RBFOX1: variants seen among roughly 807,000 people sequenced by gnomAD.
The protein encoded by RBFOX1 is RNA binding fox-1 homolog 1, also known as RNA binding protein fox-1 homolog 1.
Under a neutral mutation model 57.7 loss-of-function variants are expected in RBFOX1, and 8 were observed. The ratio of observed to expected loss-of-function variants is 0.14; its 90% CI spans 0.08 to 0.25. The LOEUF is 0.25. RBFOX1 is among the 10% of genes least tolerant of loss of function. The pLI, the probability that RBFOX1 is intolerant of heterozygous loss-of-function variation, is 1.00. For missense variants in RBFOX1, 611 were observed against 548.5 expected, an observed-to-expected ratio of 1.11 and a Z score of -1.14; for synonymous variants, 326 against 222.4, an observed-to-expected ratio of 1.47 and a Z score of -4.15.
chr16:7,581,354 A>C (rs2093746352), intron 6 of RBFOX1, among the ~76,000 whole-genome samples: 1 of 152,196 alleles, frequency 6.6e-6, no homozygotes, highest in South Asian at 2.1e-4. Flanking sequence ...TGTGTGAGGC[A>C]GTAAGACCAG....
chr16:7,410,326 G>A (rs755990585), intron 4 of RBFOX1, among the ~76,000 whole-genome samples: 2 of 152,212 alleles, frequency 1.3e-5, no homozygotes, highest in Admixed American at 1.3e-4. Flanking sequence ...ATGCTGAGCT[G>A]TGGGAATAAT....
At chr16:7,416,928 C>A (rs1408586908) in intron 4 of RBFOX1, among the ~76,000 whole-genome samples, 1 of 152,140 alleles carries the variant, frequency 6.6e-6, no homozygotes, top group Admixed American at 6.5e-5. Flanking sequence ...TAGCAGAAAA[C>A]TGGGGCTTAG....
chr16:6,591,612 G>C (rs2097712446), intron 2 of RBFOX1, among the ~76,000 whole-genome samples: 1 of 152,180 alleles, frequency 6.6e-6, no homozygotes, highest in African/African-American at 2.4e-5. Flanking sequence ...TCAGATGATA[G>C]AAACTGCTTT....
At chr16:5,851,482 T>C (rs1299604875) in intron 3 of RBFOX1, among the ~76,000 whole-genome samples, 2 of 152,196 alleles carry the variant, frequency 1.3e-5, no homozygotes, top group Admixed American at 6.5e-5. Context: ...GCCTAAGATT[T>C]ACCAGCCCTG....
At chr16:5,967,004 G>GT (rs2059859084) in intron 4 of RBFOX1, among the ~76,000 whole-genome samples, 2 of 106,524 alleles carry the variant, frequency 1.9e-5, no homozygotes, top group Non-Finnish European at 3.9e-5. Context: ...GGGGGGGGGG[G>GT]TCAATAAATG....
intron 1 of RBFOX1, among the ~76,000 whole-genome samples, chr16:5,421,550 G>A (rs1167036234): frequency 6.6e-6 from 1 of 152,152 alleles, no homozygotes; most frequent in African/African-American, 2.4e-5. Context: ...GGTAAGGGAA[G>A]CCCTGCAGGG....
intron 3 of RBFOX1, among the ~76,000 whole-genome samples, chr16:7,000,605 T>C (rs1347251591): frequency 7.5e-6 from 1 of 134,048 alleles, no homozygotes; most frequent in Non-Finnish European, 1.6e-5. Flanking sequence ...TCTTTTTTTT[T>C]TTTTTTTTTT....
intron 1 of RBFOX1, among the ~76,000 whole-genome samples, chr16:6,212,059 T>C (rs774560732): frequency 6.6e-6 from 1 of 152,048 alleles, no homozygotes; most frequent in Non-Finnish European, 1.5e-5. Flanking sequence ...AGTTTTGCCA[T>C]GTTGGCCAGG....
chr16:6,084,704 G>T (rs1300692259), intron 1 of RBFOX1, among the ~76,000 whole-genome samples: 2 of 152,174 alleles, frequency 1.3e-5, no homozygotes, highest in Admixed American at 1.3e-4. Flanking sequence ...CCTTGGTTAG[G>T]AGATAAGGTC....
intron 3 of RBFOX1, among the ~76,000 whole-genome samples, chr16:5,736,887 C>T (rs752053416): frequency 6.8e-6 from 1 of 146,642 alleles, no homozygotes; most frequent in African/African-American, 2.5e-5. Flanking sequence ...CCTTGTTTCT[C>T]GCTCTCTCTC....
At chr16:6,753,699 C>G (rs903197568) in intron 3 of RBFOX1, among the ~76,000 whole-genome samples, 1 of 150,658 alleles carries the variant, frequency 6.6e-6, no homozygotes, top group Non-Finnish European at 1.5e-5. Context: ...TCGTGCCCTC[C>G]TCCTGTCTTG....
intron 3 of RBFOX1, among the ~76,000 whole-genome samples, chr16:6,775,464 G>A (rs199898955): frequency 6.7e-6 from 1 of 148,828 alleles, no homozygotes; most frequent in Non-Finnish European, 1.5e-5. Flanking sequence ...ATCCCAAAAA[G>A]AAAAAAAAAT....
intron 3 of RBFOX1, among the ~76,000 whole-genome samples, chr16:6,788,286 G>A (rs1427346553): frequency 6.6e-6 from 1 of 151,898 alleles, no homozygotes; most frequent in East Asian, 1.9e-4. Context: ...GATTTGAATA[G>A]GATGTCCCTT....
chr16:6,345,904 C>T (rs897010393), intron 2 of RBFOX1, among the ~76,000 whole-genome samples: 10 of 152,198 alleles, frequency 6.6e-5, no homozygotes, highest in African/African-American at 2.2e-4. Context: ...GTAAGAAATA[C>T]GTTGGTTTGG....
At chr16:5,745,703 C>T (rs11076960) in intron 3 of RBFOX1, among the ~76,000 whole-genome samples, 37,991 of 152,166 alleles carry the variant, frequency 0.25, 5,590 homozygotes, top group East Asian at 0.58. Context: ...TGATGATGAG[C>T]ATTTTTTCAT....
chr16:6,490,612 C>A (rs1416619699), intron 2 of RBFOX1, among the ~76,000 whole-genome samples: 3 of 152,160 alleles, frequency 2.0e-5, no homozygotes. Context: ...CAAGTATGGA[C>A]TGCATTTTAC....
chr16:6,849,686 T>G (rs2093961269), intron 3 of RBFOX1, among the ~76,000 whole-genome samples: 1 of 151,540 alleles, frequency 6.6e-6, no homozygotes, highest in African/African-American at 2.4e-5. Flanking sequence ...CAAAACAAAA[T>G]AAAACAAAAA....
At chr16:6,947,040 G>C (rs1480293866) in intron 3 of RBFOX1, among the ~76,000 whole-genome samples, 1 of 152,172 alleles carries the variant, frequency 6.6e-6, no homozygotes, top group Non-Finnish European at 1.5e-5. Context: ...CCTGGCCTCA[G>C]GCTCCTCATC....
intron 1 of RBFOX1, among the ~76,000 whole-genome samples, chr16:5,328,689 C>T (rs761337027): frequency 3.3e-5 from 5 of 152,208 alleles, no homozygotes; most frequent in African/African-American, 4.8e-5. Context: ...TTGGTCCCAG[C>T]CTCCTGCGGA....
Sources: allele counts gnomAD v4.1 joint callset (sites outside exome capture counted in the v4.1 genomes callset), GRCh38; gene constraint gnomAD v4.1.1; transcripts MANE v1.5; gene names NCBI Gene and HGNC (gene_info 2026-07-23, HGNC 2026-07-21).